Variants in RIMS2 observed in about 807,000 individuals in gnomAD.
RIMS2 encodes regulating synaptic membrane exocytosis protein 2.
RIMS2 carries 59 observed loss-of-function variants against 174.4 expected under a neutral mutation model. The observed-to-expected ratio is 0.34, with a 90% CI of 0.27 to 0.42. The LOEUF (loss-of-function observed/expected upper bound fraction) is 0.42. Ranked by LOEUF, RIMS2 falls within the 10% of genes least tolerant of loss-of-function variation. The pLI, the probability that RIMS2 is intolerant of heterozygous loss-of-function variation, is 1.00. For synonymous variants in RIMS2, 606 were observed against 572.5 expected (o/e 1.06, Z -0.84); for missense variants, 1,620 against 1,666.3 (o/e 0.97, Z 0.48).
At chr8:104,220,555 A>G (rs2511571) in intron 19 of RIMS2, among the ~76,000 whole-genome samples, 24,154 of 152,118 alleles carry the variant, frequency 0.16, 2,469 homozygotes, top group Non-Finnish European at 0.23. Context: ...CCTGAGTGCC[A>G]AAATAAAAGT....
At chr8:104,175,208 A>G (rs1326758040) in intron 19 of RIMS2, among the ~76,000 whole-genome samples, 1 of 152,064 alleles carries the variant, frequency 6.6e-6, no homozygotes, top group Non-Finnish European at 1.5e-5. Flanking sequence ...AAACTTTCCA[A>G]CAAGTTTTTT....
intron 19 of RIMS2, among the ~76,000 whole-genome samples, chr8:104,158,016 A>G (rs1469116601): frequency 6.6e-6 from 1 of 152,018 alleles, no homozygotes; most frequent in Non-Finnish European, 1.5e-5. Flanking sequence ...GCACCCATCA[A>G]CTCGTCATTT....
intron 1 of RIMS2, among the ~76,000 whole-genome samples, chr8:103,515,245 T>G (rs1351125175): frequency 6.6e-6 from 1 of 152,226 alleles, no homozygotes; most frequent in Admixed American, 6.5e-5. Context: ...ATTGTAACAT[T>G]TGACTATCAC....
intron 19 of RIMS2, among the ~76,000 whole-genome samples, chr8:104,074,304 G>A (rs909329179): frequency 1.1e-4 from 17 of 152,128 alleles, no homozygotes; most frequent in African/African-American, 3.9e-4. Flanking sequence ...CTTGGGGTAG[G>A]TTTAACCTCA....
In RIMS2 at chr8:103,608,965, G is replaced by A. The variant is rs145594680; in HGVS notation, c.177-88121G>A. 6.0e-4 allele frequency among the ~76,000 whole-genome samples: 92 copies of A among 152,300 alleles called. No homozygotes were observed. The East Asian group carries it at 0.017, about 28-fold the overall frequency. ...ATCACCCTTCTTCTGCGTTGCTCAC[G>A]CTGGGAGCTGTAGACCGGAGCTGTT... On this transcript the variant is annotated intron_variant, in intron 1 of 23. Transcript: ENST00000504942.
chr8:103,596,249 A>G (rs965353910), intron 1 of RIMS2, among the ~76,000 whole-genome samples: 4 of 152,066 alleles, frequency 2.6e-5, no homozygotes, highest in Admixed American at 6.6e-5. Context: ...TTTACATGTT[A>G]TTCACTTGCT....
chr8:103,712,007 T>A (rs1469606032), intron 2 of RIMS2, among the ~76,000 whole-genome samples: 3 of 152,012 alleles, frequency 2.0e-5, no homozygotes, highest in Admixed American at 6.6e-5. Flanking sequence ...ATTTTTTTTT[T>A]TAGAGATGTG....
At chr8:103,705,293 T>C (rs1364175726) in intron 2 of RIMS2, among the ~76,000 whole-genome samples, 1 of 152,098 alleles carries the variant, frequency 6.6e-6, no homozygotes, top group Non-Finnish European at 1.5e-5. Flanking sequence ...ATTTGTTCCT[T>C]ATGGTCAGAA....
chr8:103,699,363 A>G (rs1261245517), intron 2 of RIMS2, among the ~76,000 whole-genome samples: 2 of 152,104 alleles, frequency 1.3e-5, no homozygotes, highest in Admixed American at 1.3e-4. Flanking sequence ...AGTAGCAGGA[A>G]CTATGAGTGT....
At chr8:104,002,402 A>G (rs188595541) in intron 17 of RIMS2, among the ~76,000 whole-genome samples, 1 of 152,104 alleles carries the variant, frequency 6.6e-6, no homozygotes, top group African/African-American at 2.4e-5. Context: ...AACCTGGATT[A>G]CTCTCTTTCT....
chr8:103,836,059 G>T (rs1284826925), intron 3 of RIMS2, among the ~76,000 whole-genome samples: 3 of 152,106 alleles, frequency 2.0e-5, no homozygotes, highest in African/African-American at 7.2e-5. Flanking sequence ...TTCTAACTGG[G>T]TGGGCATCTA....
rs2154519903 is a variant in RIMS2 at position 103,885,821 on chromosome 8, C to T, written c.1222C>T (p.Arg408Ter). Residue 408 changes from arginine to a stop codon, truncating the protein, a stop_gained, in exon 4 of 24, where the codon CGA (arginine) becomes TGA (stop). Transcript: ENST00000504942. LOFTEE classifies it high-confidence loss of function. ...ACGTAGAGCTGCCATGGAAAATCAG[C>T]GATCTTATTCAATGGAAAGAACTCG... 1 of 1,612,774 alleles carries T rather than the reference C, an allele frequency of 6.2e-7. No homozygotes were observed. Among genetic ancestry groups the T allele is most frequent in the Admixed American group, 1.7e-5 (1 of 59,810 alleles).
In RIMS2 at chr8:103,703,556, T is replaced by C. The variant is rs76250998; in HGVS notation, c.387+6260T>C. Among the ~76,000 whole-genome samples the C allele has an allele frequency of 1.3e-3, 196 of 152,284 alleles. 7 individuals carry two copies. In the East Asian group the frequency reaches 0.035, roughly 27 times the overall value. On this transcript the variant is annotated intron_variant, in intron 2 of 23. Coordinates refer to ENST00000504942, the Ensembl canonical transcript of RIMS2. The stretch of plus-strand genomic sequence containing the variant: ...CTGGACTTCATTGGTATTTTATGTA[T>C]AGCATTGAATCTATAGATTGCTTTT...
chr8:103,654,780 T>C (rs1281694878), intron 1 of RIMS2, among the ~76,000 whole-genome samples: 1 of 151,978 alleles, frequency 6.6e-6, no homozygotes, highest in Non-Finnish European at 1.5e-5. Flanking sequence ...TATTCATCCA[T>C]AAAATTATTT....
chr8:103,834,728 CTTT>C (rs2098853959), intron 3 of RIMS2, among the ~76,000 whole-genome samples: 2 of 120,948 alleles, frequency 1.7e-5, no homozygotes, highest in African/African-American at 7.2e-5. Flanking sequence ...TTCTTTCTTT[CTTT>C]CTTTCTTTCT....
chr8:104,059,096 T>A (rs1179051393), intron 19 of RIMS2, among the ~76,000 whole-genome samples: 14 of 150,428 alleles, frequency 9.3e-5, no homozygotes, highest in African/African-American at 3.2e-4. Context: ...TTTTTTCCAA[T>A]TCTGTGAAGA....
At chr8:103,783,310 T>C (rs1055818151) in intron 3 of RIMS2, among the ~76,000 whole-genome samples, 21 of 151,386 alleles carry the variant, frequency 1.4e-4, no homozygotes, top group Middle Eastern at 3.4e-3. Flanking sequence ...AGGGTACATG[T>C]GCACATTGTG....
chr8:103,971,867 G>T (rs932723706), intron 15 of RIMS2, among the ~76,000 whole-genome samples: 2 of 152,116 alleles, frequency 1.3e-5, no homozygotes, highest in Non-Finnish European at 2.9e-5. Context: ...CACCACAGCT[G>T]GCCAGTAGTA....
intron 3 of RIMS2, among the ~76,000 whole-genome samples, chr8:103,788,852 G>C (rs1022344243): frequency 1.3e-5 from 2 of 152,186 alleles, no homozygotes; most frequent in African/African-American, 4.8e-5. Flanking sequence ...GGGCAATGGC[G>C]GGCGCCCCTC....
Sources: gnomAD v4.1 joint callset for allele counts (sites outside exome capture counted in the v4.1 genomes callset) on GRCh38, gnomAD v4.1.1 for gene constraint, MANE v1.5 for transcripts, NCBI Gene and HGNC (gene_info 2026-07-23, HGNC 2026-07-21) for gene names.